The following SLIT2 variants were observed in gnomAD, a reference collection of about 807,000 sequenced individuals.
The protein encoded by SLIT2 is slit homolog 2 protein.
In SLIT2, 41 loss-of-function variants were observed where a neutral mutation model predicts 185.7. The ratio of observed to expected loss-of-function variants is 0.22; its 90% CI spans 0.17 to 0.29. The LOEUF (loss-of-function observed/expected upper bound fraction) is 0.29. SLIT2 is among the 10% of genes least tolerant of loss of function. SLIT2 has a pLI of 1.00. For missense variants in SLIT2, 1,571 were observed against 1,909.0 expected, an observed-to-expected ratio of 0.82 and a Z score of 3.30; for synonymous variants, 693 against 680.2, an observed-to-expected ratio of 1.02 and a Z score of -0.29.
chr4:20,339,106 A>G (rs1326385558), intron 4 of SLIT2, among the ~76,000 whole-genome samples: 1 of 151,594 alleles, frequency 6.6e-6, no homozygotes, highest in Non-Finnish European at 1.5e-5. Context: ...AAAAAAAAAA[A>G]AAAAAAGAAA....
In SLIT2 at chr4:20,618,939, C is replaced by T. The variant is rs758446466; in HGVS notation, c.4520C>T (p.Thr1507Ile). 3.3e-5 allele frequency: 54 copies of T among 1,614,126 alleles called. No individual in the cohort carries two copies. Among genetic ancestry groups the T allele is most frequent in the Non-Finnish European group, 4.5e-5 (53 of 1,180,014 alleles). Residue 1507 changes from threonine (T) to isoleucine (I), a missense_variant, in exon 37 of 37, where the codon ACT becomes ATT. Thr to Ile is a moderately conservative substitution (Grantham distance 89). Around this residue, in one of 3 missense-constraint regions of SLIT2, gnomAD observed 223 missense variants for 245.2 expected, o/e 0.91. Transcript: ENST00000504154. The stretch of plus-strand genomic sequence containing the variant: ...CGGCGGAAATACTCTTTCGAATGCA[C>T]TGACGGCTCCTCCTTTGTGGACGAG... Reference protein sequence around the residue: ...SKRRKYSFECTDGSSFVDEVE... With the variant: ...SKRRKYSFECIDGSSFVDEVE...
rs937623545 is a variant in SLIT2 at position 20,562,260 on chromosome 4, T to G, written c.2726-5002T>G. On this transcript the variant is annotated intron_variant, in intron 26 of 36. Coordinates refer to ENST00000504154, the MANE Select transcript of SLIT2 (RefSeq NM_004787.4). ...TTACATCTTCGACATTGGTGGCCAC[T>G]TCTCCTTCCTCTACAATCTCTTGGC... 7.2e-5 allele frequency among the ~76,000 whole-genome samples: 11 copies of G among 151,756 alleles called. No individual in the cohort carries two copies. The Admixed American group carries it at 7.2e-4, about 10-fold the overall frequency.
chr4:20,590,309 T>C (rs1268206323), intron 30 of SLIT2, among the ~76,000 whole-genome samples: 5 of 152,214 alleles, frequency 3.3e-5, no homozygotes, highest in African/African-American at 1.2e-4. Flanking sequence ...CCTTTGAAAA[T>C]GCTTACTTAA....
chr4:20,601,090 AC>A (rs1728378304), intron 33 of SLIT2, among the ~76,000 whole-genome samples: 1 of 152,186 alleles, frequency 6.6e-6, no homozygotes, highest in South Asian at 2.1e-4. Flanking sequence ...GAAAAACTAG[AC>A]ACAAAGAAAT....
chr4:20,419,802 G>C (rs1356542845), intron 4 of SLIT2, among the ~76,000 whole-genome samples: 1 of 151,682 alleles, frequency 6.6e-6, no homozygotes, highest in Non-Finnish European at 1.5e-5. Flanking sequence ...TGAATATTAA[G>C]AACAGGAGAG....
chr4:20,596,787 G>A, intron 32 of SLIT2, 132 bp downstream of exon 32: 1 of 800,580 alleles, frequency 1.2e-6, no homozygotes, highest in Non-Finnish European at 1.9e-6. Flanking sequence ...AATGCTCCTT[G>A]TGTGGACAGC....
intron 5 of SLIT2, among the ~76,000 whole-genome samples, chr4:20,468,226 T>G (rs1256062108): frequency 6.6e-6 from 1 of 152,112 alleles, no homozygotes; most frequent in African/African-American, 2.4e-5. Flanking sequence ...TGTTCCATTT[T>G]CAAGATTACT....
intron 4 of SLIT2, among the ~76,000 whole-genome samples, chr4:20,306,063 T>C (rs1717518790): frequency 6.6e-6 from 1 of 151,976 alleles, no homozygotes; most frequent in Non-Finnish European, 1.5e-5. Flanking sequence ...AACCCTAGAA[T>C]CTTGATCCTT....
chr4:20,592,144 T>A lies in SLIT2; in HGVS notation c.3182+2407T>A, dbSNP rs555907584. 8.3e-4 allele frequency among the ~76,000 whole-genome samples: 126 copies of A among 152,212 alleles called. 1 individual carries two copies. Among genetic ancestry groups the A allele is most frequent in the African/African-American group, 2.9e-3 (120 of 41,556 alleles). ...AATTCTGTGAAGCTGCTAAAGAAAA[T>A]CTCTACTGACAAATGTTGTTTAGAC... On this transcript the variant is annotated intron_variant, in intron 30 of 36. Transcript: ENST00000504154.
chr4:20,396,853 G>A (rs1034855182), intron 4 of SLIT2, among the ~76,000 whole-genome samples: 15 of 146,178 alleles, frequency 1.0e-4, no homozygotes, highest in Admixed American at 7.6e-4. Context: ...TACATCTAAA[G>A]ATATACATAT....
In SLIT2 at chr4:20,542,535, A is replaced by G. The variant is rs754623764; in HGVS notation, c.2185A>G (p.Thr729Ala). Residue 729 changes from threonine (T) to alanine (A), a missense_variant, in exon 21 of 37, where the codon ACT becomes GCT. Around this residue, in one of 3 missense-constraint regions of SLIT2, gnomAD observed 1,202 missense variants for 1,416.4 expected, o/e 0.85. Transcript: ENST00000504154. ...TTGCTCCCCACTTTCTCGCTGTCCT[A>G]CTGAATGTACTTGCTTGGATACAGT... ...NSCSPLSRCP[T>A]ECTCLDTVVR... The G allele has an allele frequency of 8.1e-6, 13 of 1,613,646 alleles. No individual in the cohort carries two copies. Among genetic ancestry groups the G allele is most frequent in the South Asian group, 6.6e-5 (6 of 91,060 alleles).
intron 4 of SLIT2, among the ~76,000 whole-genome samples, chr4:20,451,606 C>G (rs1176697601): frequency 6.6e-6 from 1 of 152,202 alleles, no homozygotes; most frequent in Non-Finnish European, 1.5e-5. Flanking sequence ...ACAGAGAACT[C>G]TGTTCAAATA....
At chr4:20,282,303 G>T (rs1394258352) in intron 4 of SLIT2, among the ~76,000 whole-genome samples, 1 of 152,090 alleles carries the variant, frequency 6.6e-6, no homozygotes, top group South Asian at 2.1e-4. Context: ...AGCCACCTGG[G>T]TTGAAGAACA....
intron 33 of SLIT2, among the ~76,000 whole-genome samples, chr4:20,603,296 C>T (rs775670197): frequency 3.3e-5 from 5 of 152,070 alleles, no homozygotes; most frequent in Non-Finnish European, 2.9e-5. Flanking sequence ...CCCCATAATT[C>T]GATTATCTCC....
At chr4:20,325,416 G>A (rs1378429161) in intron 4 of SLIT2, among the ~76,000 whole-genome samples, 1 of 114,036 alleles carries the variant, frequency 8.8e-6, no homozygotes, top group African/African-American at 3.4e-5. Flanking sequence ...GGGGTAGGGT[G>A]GGGGTGGGGG....
chr4:20,285,750 A>G (rs1323059), intron 4 of SLIT2, among the ~76,000 whole-genome samples: 92,775 of 152,004 alleles, frequency 0.61, 28,639 homozygotes, highest in East Asian at 0.86. Flanking sequence ...GTTTCACCAT[A>G]TTGCCCAGGC....
chr4:20,332,510 C>T (rs1720156152), intron 4 of SLIT2, among the ~76,000 whole-genome samples: 1 of 151,944 alleles, frequency 6.6e-6, no homozygotes. Context: ...GGTGAAACCC[C>T]ATCTATACTA....
intron 4 of SLIT2, among the ~76,000 whole-genome samples, chr4:20,276,335 T>A (rs1714163806): frequency 6.7e-6 from 1 of 149,866 alleles, no homozygotes; most frequent in South Asian, 2.1e-4. Flanking sequence ...AATCACTGAA[T>A]TTTTTCTGGA....
chr4:20,361,318 G>A lies in SLIT2; in HGVS notation c.395+92437G>A, dbSNP rs542019897. ...CTGCCTCGCATCCATCCATCCACCC[G>A]TCCACCCATCTACCCATCCATCAAT... On this transcript the variant is annotated intron_variant, in intron 4 of 36. Coordinates refer to ENST00000504154, the MANE Select transcript of SLIT2 (RefSeq NM_004787.4). Among the ~76,000 whole-genome samples, 101 of 151,804 alleles carry A rather than the reference G, an allele frequency of 6.7e-4. No individual in the cohort carries two copies. The South Asian group carries it at 0.015, about 22-fold the overall frequency.
Sources: gnomAD v4.1 joint callset for allele counts (sites outside exome capture counted in the v4.1 genomes callset) on GRCh38, gnomAD v4.1.1 for gene constraint, gnomAD v4.1.1 regional missense constraint, MANE v1.5 for transcripts, NCBI Gene and HGNC (gene_info 2026-07-23, HGNC 2026-07-21) for gene names.